CCDC183: variants seen among roughly 807,000 people sequenced by gnomAD.
CCDC183 encodes coiled-coil domain containing 183.
A neutral mutation model predicts 65.2 loss-of-function variants in CCDC183; 63 were observed. The ratio of observed to expected loss-of-function variants is 0.97; its 90% CI spans 0.79 to 1.19. The LOEUF is 1.19. Ranked by LOEUF, CCDC183 falls within the 50% of genes most tolerant of loss-of-function variation. The pLI is 0.00. For synonymous variants in CCDC183, 323 were observed against 276.5 expected (o/e 1.17, Z -1.67); for missense variants, 769 against 689.3 (o/e 1.12, Z -1.30).
At chr9:136,807,107 G>C (rs1389583571) in intron 13 of CCDC183, 41 bp downstream of exon 13, 2 of 1,596,266 alleles carry the variant, frequency 1.3e-6, no homozygotes, top group Admixed American at 1.7e-5. Context: ...CAGGCGGGTG[G>C]CTGGAACACA....
intron 6 of CCDC183, among the ~76,000 whole-genome samples, chr9:136,803,725 G>A (rs1293968773): frequency 6.6e-6 from 1 of 152,180 alleles, no homozygotes; most frequent in African/African-American, 2.4e-5. Flanking sequence ...GTCAGGTGTG[G>A]CCAGGGCTAG....
At position 136,806,966 on chromosome 9, in the gene CCDC183, G is replaced by A; in HGVS notation, c.1390-4G>A. ...GCACGGCTGAAGGGGGCTTTGCCCT[G>A]CAGGGCGACACAAAGGTGAGGGACA... On this transcript the variant is annotated splice_region_variant and splice_polypyrimidine_tract_variant and intron_variant, in intron 12 of 13. Transcript: ENST00000338005. 6.2e-7 allele frequency: 1 copy of A among 1,613,672 alleles called. No homozygotes were observed. The highest frequency in any genetic ancestry group is 1.1e-5 in the South Asian group (1 of 91,082).
At position 136,804,862 on chromosome 9, in the gene CCDC183, G is replaced by A. The variant is rs1490027866; in HGVS notation, c.847+46G>A. ...CTGCCCCCAGCCAGGGTCCCAAGGAGAGGCTGGCACTGATTCAGGCCAACG... is the reference window on the plus strand; with the variant it reads ...CTGCCCCCAGCCAGGGTCCCAAGGAAAGGCTGGCACTGATTCAGGCCAACG... On this transcript the variant is annotated intron_variant, in intron 8 of 13. Transcript: ENST00000338005. This position sits in a 1 kb window ranked among gnomAD's most constrained non-coding sequence, Gnocchi z 4.1. 1.3e-6 allele frequency: 2 copies of A among 1,557,236 alleles called. No homozygotes were observed. Among genetic ancestry groups the A allele is most frequent in the Middle Eastern group, 1.7e-4 (1 of 5,942 alleles).
intron 12 of CCDC183, 27 bp from the exon 13 acceptor site, chr9:136,806,943 A>G (rs777282591): frequency 1.2e-6 from 2 of 1,613,532 alleles, no homozygotes; most frequent in Non-Finnish European, 1.7e-6. Context: ...GAGTGTCTGC[A>G]CGGCTGAAGG....
Position 136,804,048 on chromosome 9 carries a change from C to G in CCDC183, c.667-454C>G, listed in dbSNP as rs1847798148. Reference sequence around the variant, plus strand: ...AGGAGCAACGGAGCTGAGAACTCCTCAAGAGGCAACCCCACTAAGCGCTGG... The same window carrying G: ...AGGAGCAACGGAGCTGAGAACTCCTGAAGAGGCAACCCCACTAAGCGCTGG... On this transcript the variant is annotated intron_variant, in intron 6 of 13. Transcript: ENST00000338005. The surrounding 1 kb of genome is among the most constrained non-coding windows in gnomAD (Gnocchi z 4.1). 5.4e-6 allele frequency: 1 copy of G among 183,542 alleles called. No individual in the cohort carries two copies. The highest frequency in any genetic ancestry group is 2.4e-5 in the African/African-American group (1 of 42,346). The allele number at this position is 183,542 out of a possible 1,614,324, so 11.4% of individuals were successfully genotyped here.
intron 10 of CCDC183, 101 bp downstream of exon 10, chr9:136,806,339 G>A: frequency 1.4e-6 from 2 of 1,413,486 alleles, no homozygotes; most frequent in African/African-American, 1.4e-5. Flanking sequence ...CTGCCAACAA[G>A]CCTGTGTGTC....
At chr9:136,807,211 G>A in intron 13 of CCDC183, 145 bp downstream of exon 13, 1 of 728,766 alleles carries the variant, frequency 1.4e-6, no homozygotes, top group African/African-American at 1.8e-5. Context: ...GACTTTAATT[G>A]ATGGAGGTGA....
At position 136,796,430 on chromosome 9, in the gene CCDC183, G is replaced by C. The variant is rs1448848171; in HGVS notation, c.33G>C (p.Glu11Asp). 1.3e-6 allele frequency: 2 copies of C among 1,582,950 alleles called. No homozygotes were observed. Among genetic ancestry groups the C allele is most frequent in the East Asian group, 4.6e-5 (2 of 43,928 alleles). ...GGCACAGTGAGACAGATGTGGAAGA[G>C]CAGACCCAGGAGCTGAAGACCATCA... MRRHSETDVE[E>D]QTQELKTITQ... is the part of the protein sequence containing the mutation. The change falls in exon 1 of 14, where the codon GAG becomes GAC. Residue 11 changes from glutamate to aspartate, a missense_variant. Physicochemically the swap from Glu to Asp is conservative, Grantham distance 45. Transcript: ENST00000338005.
intron 4 of CCDC183, 78 bp from the exon 5 acceptor site, chr9:136,800,311 T>G: frequency 6.8e-7 from 1 of 1,481,126 alleles, no homozygotes; most frequent in Non-Finnish European, 9.2e-7. Context: ...CACGACCCTC[T>G]CCGGAGAAAA....
In CCDC183 at chr9:136,804,585, C is replaced by T. The variant is rs372143084; in HGVS notation, c.750C>T (p.Ile250=). Residue 250 remains isoleucine (I), a synonymous_variant, in exon 7 of 14, where the codon ATC becomes ATT. Coordinates refer to ENST00000338005, the MANE Select transcript of CCDC183 (RefSeq NM_001039374.5). The surrounding 1 kb of genome is among the most constrained non-coding windows in gnomAD (Gnocchi z 4.1). ...GGCTCAACCAGCAGAAGAAGCTGAT[C>T]GACAAGATCCACACGAAGGAGACCA... ...ENRLNQQKKL[I]DKIHTKETSE... 2.7e-5 allele frequency: 43 copies of T among 1,613,506 alleles called. No individual in the cohort carries two copies. The highest frequency in any genetic ancestry group is 1.6e-4 in the Middle Eastern group (1 of 6,082).
At chr9:136,807,319 C>T in intron 13 of CCDC183, 1 of 646,086 alleles carries the variant, frequency 1.5e-6, no homozygotes, top group East Asian at 2.8e-5. Context: ...GGAGGAGAGG[C>T]ACCAGGGCTG....
At position 136,805,452 on chromosome 9, in the gene CCDC183, G is replaced by A. The variant is rs567294486; in HGVS notation, c.943G>A (p.Val315Ile). 2.8e-5 allele frequency: 45 copies of A among 1,613,582 alleles called. No homozygotes were observed. In the South Asian group the frequency reaches 2.9e-4, roughly 10 times the overall value. The change falls in exon 9 of 14, where the codon GTC becomes ATC. Residue 315 changes from valine (V) to isoleucine (I), a missense_variant. Physicochemically the swap from Val to Ile is conservative, Grantham distance 29. Transcript: ENST00000338005. ...KVKSAVRCSH[V>I]WDITSRFLAQ... ...CAAGAGTGCTGTACGGTGCTCTCACGTCTGGGTAATGCCCCTGGCGCTCCC... is the reference window on the plus strand; with the variant it reads ...CAAGAGTGCTGTACGGTGCTCTCACATCTGGGTAATGCCCCTGGCGCTCCC...
At chr9:136,799,612 C>A in intron 2 of CCDC183, 101 bp from the exon 3 acceptor site, 1 of 1,005,106 alleles carries the variant, frequency 9.9e-7, no homozygotes, top group Non-Finnish European at 1.5e-6. Flanking sequence ...CGCTACTGGG[C>A]TAGCGTGGGA....
At chr9:136,806,292 C>A in intron 10 of CCDC183, 54 bp downstream of exon 10, 2 of 1,532,686 alleles carry the variant, frequency 1.3e-6, no homozygotes, top group South Asian at 1.2e-5. Flanking sequence ...ACAAAGGCCC[C>A]GGGCTGCAGC....
Position 136,796,444 on chromosome 9 carries a change from T to A in CCDC183, c.47T>A (p.Leu16Gln), listed in dbSNP as rs1847650567. 6 of 1,575,932 alleles carry A rather than the reference T, an allele frequency of 3.8e-6. No individual in the cohort carries two copies. The highest frequency in any genetic ancestry group is 1.8e-4 in the Middle Eastern group (1 of 5,462). ...ETDVEEQTQE[L>Q]KTITQLQEQC... Reference sequence around the variant, plus strand: ...GATGTGGAAGAGCAGACCCAGGAGCTGAAGACCATCACTCAGCTCCAGGGT... The same window carrying A: ...GATGTGGAAGAGCAGACCCAGGAGCAGAAGACCATCACTCAGCTCCAGGGT... Residue 16 changes from leucine (L) to glutamine (Q), a missense_variant, in exon 1 of 14, where the codon CTG becomes CAG. Transcript: ENST00000338005.
At position 136,800,156 on chromosome 9, in the gene CCDC183, T is replaced by G; in HGVS notation, c.425T>G (p.Leu142Arg). ...RSQPDASKEE[L>R]RLLQIIRQLE... ...CAGCCCGACGCCAGCAAGGAGGAGC[T>G]GCGGCTGCTGCAGGTGGAGAGGCGG... The change falls in exon 4 of 14, where the codon CTG becomes CGG. Residue 142 changes from leucine (L) to arginine (R), a missense_variant. By Grantham distance (102) the Leu-to-Arg change is moderately radical (BLOSUM62 -2). Coordinates refer to ENST00000338005, the MANE Select transcript of CCDC183 (RefSeq NM_001039374.5). The G allele has an allele frequency of 1.8e-6, 2 of 1,082,954 alleles. No homozygotes were observed. The highest frequency in any genetic ancestry group is 2.5e-6 in the Non-Finnish European group (2 of 793,026). 67.1% of individuals were successfully genotyped at this position (1,082,954 alleles called of 1,614,324 possible).
At chr9:136,799,918 C>T (rs1299712418) in intron 3 of CCDC183, 84 bp from the exon 4 acceptor site, 4 of 1,525,120 alleles carry the variant, frequency 2.6e-6, no homozygotes, top group East Asian at 2.4e-5. Context: ...GGGGTTGCCA[C>T]GAGCCTCCAC....
chr9:136,804,252 C>G lies in CCDC183; in HGVS notation c.667-250C>G. 1 of 495,456 alleles carries G rather than the reference C, an allele frequency of 2.0e-6. No homozygotes were observed. The highest frequency in any genetic ancestry group is 3.7e-6 in the Non-Finnish European group (1 of 273,316). 30.7% of individuals were successfully genotyped at this position (495,456 alleles called of 1,614,324 possible). A position where few individuals can be genotyped will look rare whatever the true frequency, so the allele number is the denominator to read the frequency against. Reference sequence around the variant, plus strand: ...GTTCTAGGTGGACCTGGCCAGGAGGCAGCTGGGGGCCAGCGGCTGGAGGGC... The same window carrying G: ...GTTCTAGGTGGACCTGGCCAGGAGGGAGCTGGGGGCCAGCGGCTGGAGGGC... On this transcript the variant is annotated intron_variant, in intron 6 of 13. Coordinates refer to ENST00000338005, the MANE Select transcript of CCDC183 (RefSeq NM_001039374.5). The surrounding 1 kb of genome is among the most constrained non-coding windows in gnomAD (Gnocchi z 4.1).
In CCDC183 at chr9:136,806,881, G is replaced by A. The variant is rs774548651; in HGVS notation, c.1389+14G>A. On this transcript the variant is annotated intron_variant, in intron 12 of 13. Coordinates refer to ENST00000338005, the MANE Select transcript of CCDC183 (RefSeq NM_001039374.5). Reference sequence around the variant, plus strand: ...AGGACCGAGGAGGTAGCCCCGGGCTGGGAGGAACCTGCACAGCCCACGTCC... The same window carrying A: ...AGGACCGAGGAGGTAGCCCCGGGCTAGGAGGAACCTGCACAGCCCACGTCC... 1.2e-6 allele frequency: 2 copies of A among 1,613,272 alleles called. No homozygotes were observed. Among genetic ancestry groups the A allele is most frequent in the Non-Finnish European group, 8.5e-7 (1 of 1,180,012 alleles).
Sources: gnomAD v4.1 joint callset for allele counts (sites outside exome capture counted in the v4.1 genomes callset) on GRCh38, gnomAD v4.1.1 for gene constraint, Gnocchi (gnomAD v3.1) non-coding constraint, MANE v1.5 for transcripts, NCBI Gene and HGNC (gene_info 2026-07-23, HGNC 2026-07-21) for gene names.